The following ZBTB8A variants were observed in gnomAD, a reference collection of about 807,000 sequenced individuals.
ZBTB8A encodes zinc finger and BTB domain-containing protein 8A.
A neutral mutation model predicts 37.8 loss-of-function variants in ZBTB8A; 19 were observed. The ratio of observed to expected loss-of-function variants is 0.50; its 90% CI spans 0.35 to 0.74. ZBTB8A has a LOEUF of 0.74. Ranked by LOEUF, ZBTB8A falls within the 30% of genes least tolerant of loss-of-function variation. The probability of loss-of-function intolerance (pLI) is 0.01; values close to 1 mark genes in which losing one functional copy is unlikely to be tolerated. For missense variants in ZBTB8A, 394 were observed against 537.8 expected, an observed-to-expected ratio of 0.73 and a Z score of 2.65; for synonymous variants, 181 against 185.2, an observed-to-expected ratio of 0.98 and a Z score of 0.19.
rs199690809 is a variant in ZBTB8A, at chr1:32,593,201, T to G, written c.270T>G (p.Leu90=). The G allele has an allele frequency of 5.1e-5, 82 of 1,614,222 alleles. No homozygotes were observed. The East Asian group carries it at 1.8e-3, about 36-fold the overall frequency. Residue 90 remains leucine (L), a synonymous_variant, in exon 3 of 5, where the codon CTT becomes CTG. Coordinates refer to ENST00000373510, the MANE Select transcript of ZBTB8A (RefSeq NM_001040441.3). ...LDFVYSGKLS[L]TGQNVIEVMS... is the part of the protein sequence containing the mutation. Reference sequence around the variant, plus strand: ...TCGTATATTCTGGCAAACTGTCTCTTACTGGTCAGAATGTCATAGAAGTGA... The same window carrying G: ...TCGTATATTCTGGCAAACTGTCTCTGACTGGTCAGAATGTCATAGAAGTGA...
At chr1:32,552,420 G>A (rs1230051781) in intron 1 of ZBTB8A, among the ~76,000 whole-genome samples, 1 of 152,112 alleles carries the variant, frequency 6.6e-6, no homozygotes, top group Non-Finnish European at 1.5e-5. Flanking sequence ...AGCACTTTGG[G>A]AGGCCCAGGC....
At chr1:32,572,980 T>G (rs1030198978) in intron 2 of ZBTB8A, among the ~76,000 whole-genome samples, 27 of 151,830 alleles carry the variant, frequency 1.8e-4, no homozygotes, top group African/African-American at 6.5e-4. Flanking sequence ...GATTTTTCTC[T>G]ATCATTTCTT....
Position 32,587,212 on chromosome 1 carries a change from C to G in ZBTB8A, c.-1-5719C>G, listed in dbSNP as rs141509399. On this transcript the variant is annotated intron_variant, in intron 2 of 4. Coordinates refer to ENST00000373510, the MANE Select transcript of ZBTB8A (RefSeq NM_001040441.3). ...CGAGATCACACCACTGCACTCCAACCTGGGCAACAAGAGCGAAACTCCATC... is the reference window on the plus strand; with the variant it reads ...CGAGATCACACCACTGCACTCCAACGTGGGCAACAAGAGCGAAACTCCATC... Among the ~76,000 whole-genome samples, 1,160 of 152,108 alleles carry G rather than the reference C, an allele frequency of 7.6e-3. 28 individuals are homozygous for G. Among genetic ancestry groups the G allele is most frequent in the African/African-American group, 0.026 (1,077 of 41,448 alleles).
chr1:32,576,726 G>A lies in ZBTB8A; in HGVS notation c.-1-16205G>A, dbSNP rs112798814. ...TTACAGGCCTGAGCCACCACGCCCA[G>A]CCTAATTTTTGTATTTTTGGTAGAC... On this transcript the variant is annotated intron_variant, in intron 2 of 4. Transcript: ENST00000373510. Among the ~76,000 whole-genome samples the A allele has an allele frequency of 1.4e-3, 206 of 152,118 alleles. 2 individuals are homozygous for A. The highest frequency in any genetic ancestry group is 4.8e-3 in the African/African-American group (199 of 41,496).
intron 2 of ZBTB8A, among the ~76,000 whole-genome samples, chr1:32,561,430 A>G (rs1471840954): frequency 6.6e-6 from 1 of 152,142 alleles, no homozygotes; most frequent in African/African-American, 2.4e-5. Flanking sequence ...TGTAGGGCAG[A>G]GTCCTTCCTT....
intron 2 of ZBTB8A, among the ~76,000 whole-genome samples, chr1:32,578,203 T>C (rs1644377671): frequency 1.3e-5 from 2 of 152,076 alleles, no homozygotes; most frequent in South Asian, 2.1e-4. Flanking sequence ...TAGCTGGGAT[T>C]ACAGGAGCAT....
chr1:32,577,813 C>A (rs1171599029), intron 2 of ZBTB8A, among the ~76,000 whole-genome samples: 4 of 151,682 alleles, frequency 2.6e-5, no homozygotes, highest in Non-Finnish European at 4.4e-5. Context: ...AAACTCCTGG[C>A]CTCAAGTAAT....
At chr1:32,580,404 G>A (rs989689643) in intron 2 of ZBTB8A, among the ~76,000 whole-genome samples, 1 of 152,010 alleles carries the variant, frequency 6.6e-6, no homozygotes, top group Non-Finnish European at 1.5e-5. Flanking sequence ...CTAAAAATTA[G>A]CCAGGCATGG....
chr1:32,556,892 A>G (rs72652167), intron 2 of ZBTB8A, among the ~76,000 whole-genome samples: 3,717 of 152,190 alleles, frequency 0.024, 48 homozygotes, highest in Middle Eastern at 0.048. Flanking sequence ...AAAAACAAAA[A>G]AGAAAAAGCA....
Position 32,593,496 on chromosome 1 carries a change from T to G in ZBTB8A, c.565T>G (p.Ser189Ala). ...SWNKYNYHPASQKNTQQPLAK... is the reference protein window; with the variant it reads ...SWNKYNYHPAAQKNTQQPLAK... ...GAATAAGTATAATTATCATCCAGCC[T>G]CCCAGAAGAATACTCAACAACCCTT... The change falls in exon 3 of 5, where the codon TCC (serine) becomes GCC (alanine). Residue 189 changes from serine (S) to alanine (A), a missense_variant. Ser to Ala is a moderately conservative substitution (Grantham distance 99). This residue lies in a region of ZBTB8A where 171 missense variants were observed against 186.8 expected (regional missense o/e 0.92). Coordinates refer to ENST00000373510, the MANE Select transcript of ZBTB8A (RefSeq NM_001040441.3). 6.2e-7 allele frequency: 1 copy of G among 1,614,040 alleles called. No individual in the cohort carries two copies. Among genetic ancestry groups the G allele is most frequent in the Non-Finnish European group, 8.5e-7 (1 of 1,180,020 alleles).
chr1:32,593,108 G>A lies in ZBTB8A; in HGVS notation c.177G>A (p.Glu59=), dbSNP rs191260979. The A allele has an allele frequency of 1.9e-6, 3 of 1,614,192 alleles. No individual in the cohort carries two copies. The East Asian group carries it at 6.7e-5, about 36-fold the overall frequency. The stretch of plus-strand genomic sequence containing the variant: ...TGCTTCTTTCTCAGAATTCAAAGGA[G>A]ACGAGTCAGCCAACCACAGCTACAT... ...FKMLLSQNSK[E]TSQPTTATFQ... is the part of the protein sequence containing the mutation. Residue 59 remains glutamate, a synonymous_variant, in exon 3 of 5, where the codon GAG becomes GAA. Coordinates refer to ENST00000373510, the MANE Select transcript of ZBTB8A (RefSeq NM_001040441.3).
At chr1:32,561,912 G>A (rs1644246362) in intron 2 of ZBTB8A, among the ~76,000 whole-genome samples, 1 of 152,080 alleles carries the variant, frequency 6.6e-6, no homozygotes, top group African/African-American at 2.4e-5. Flanking sequence ...GCAGGAGCAA[G>A]AGAGAGAGTG....
At chr1:32,594,498 C>T (rs1387074100) in intron 3 of ZBTB8A, among the ~76,000 whole-genome samples, 2 of 151,784 alleles carry the variant, frequency 1.3e-5, no homozygotes, top group Non-Finnish European at 2.9e-5. Context: ...CACAGTGGCT[C>T]ACGCCTGTAA....
chr1:32,567,771 G>C, intron 2 of ZBTB8A, among the ~76,000 whole-genome samples: 1 of 105,426 alleles, frequency 9.5e-6, no homozygotes, highest in Admixed American at 1.4e-4. Flanking sequence ...CAGCCTGGGT[G>C]ATAGAGCAGG....
In ZBTB8A at chr1:32,592,797, T is replaced by C. The variant is rs1043486955; in HGVS notation, c.-1-134T>C. On this transcript the variant is annotated intron_variant, in intron 2 of 4. Coordinates refer to ENST00000373510, the MANE Select transcript of ZBTB8A (RefSeq NM_001040441.3). ...TGCTGGGATTACAGGAGTGAGCCAC[T>C]GTGCCCAGCCACAGTGAGCTTTGAT... 8.3e-6 allele frequency: 6 copies of C among 722,688 alleles called. No homozygotes were observed. The African/African-American group carries it at 8.9e-5, about 11-fold the overall frequency. The allele number at this position is 722,688 out of a possible 1,614,324, so 44.8% of individuals were successfully genotyped here.
At chr1:32,542,522 C>T (rs7551056) in intron 1 of ZBTB8A, among the ~76,000 whole-genome samples, 17,368 of 152,082 alleles carry the variant, frequency 0.11, 1,094 homozygotes, top group African/African-American at 0.18. Context: ...TGCAGTAAAC[C>T]GAGATTGCGC....
In ZBTB8A at chr1:32,549,980, T is replaced by C. The variant is rs187504899; in HGVS notation, c.-83-3479T>C. On this transcript the variant is annotated intron_variant, in intron 1 of 4. Coordinates refer to ENST00000373510, the MANE Select transcript of ZBTB8A (RefSeq NM_001040441.3). ...CTTCCGGATCTCACAGAACATCTCA[T>C]TGATAGGCCACATTTCACATGGGGA... Among the ~76,000 whole-genome samples, 4 of 152,320 alleles carry C rather than the reference T, an allele frequency of 2.6e-5. No homozygotes were observed. In the East Asian group the frequency reaches 5.8e-4, roughly 22 times the overall value.
At chr1:32,574,178 T>C (rs1460313627) in intron 2 of ZBTB8A, among the ~76,000 whole-genome samples, 1 of 152,202 alleles carries the variant, frequency 6.6e-6, no homozygotes, top group Non-Finnish European at 1.5e-5. Context: ...TAGAGTATTC[T>C]ATAAATGTCT....
At position 32,593,049 on chromosome 1, in the gene ZBTB8A, A is replaced by G; in HGVS notation, c.118A>G (p.Asn40Asp). Residue 40 changes from asparagine to aspartate, a missense_variant, in exon 3 of 5, where the codon AAT (asparagine) becomes GAT (aspartate). Coordinates refer to ENST00000373510, the MANE Select transcript of ZBTB8A (RefSeq NM_001040441.3). ...AGGGAAGGTCTTCAAAGCACATCGA[A>G]ATGTATTATTCGCTAGTAGCGGCTA... is the stretch of plus-strand genomic sequence containing the variant. ...VEGKVFKAHR[N>D]VLFASSGYFK... 6.2e-7 allele frequency: 1 copy of G among 1,614,178 alleles called. No homozygotes were observed. The highest frequency in any genetic ancestry group is 8.5e-7 in the Non-Finnish European group (1 of 1,180,040).
Sources: gnomAD v4.1 joint callset for allele counts (sites outside exome capture counted in the v4.1 genomes callset) on GRCh38, gnomAD v4.1.1 for gene constraint, gnomAD v4.1.1 regional missense constraint, MANE v1.5 for transcripts, NCBI Gene and HGNC (gene_info 2026-07-23, HGNC 2026-07-21) for gene names.